Variants in FMN1 observed in about 807,000 individuals in gnomAD.
FMN1 encodes the protein formin 1, also known as formin-1.
FMN1 carries 110 observed loss-of-function variants against 132.4 expected under a neutral mutation model. The observed-to-expected ratio is 0.83, with a 90% confidence interval of 0.71 to 0.97. The LOEUF is 0.97. FMN1 is among the 50% of genes least tolerant of loss of function. The pLI, the probability that FMN1 is intolerant of heterozygous loss-of-function variation, is 0.00. For synonymous variants in FMN1, 722 were observed against 651.7 expected (o/e 1.11, Z -1.64); for missense variants, 1,792 against 1,705.3 (o/e 1.05, Z -0.90).
At position 33,130,776 on chromosome 15, in the gene FMN1, G is replaced by C. The variant is rs1034848460; in HGVS notation, c.1867+22272C>G. ...TTTCAGAGTCAAAACACTTACATTT[G>C]CTTGTCTATTAAGATGTTTTGATTT... On this transcript the variant is annotated intron_variant, in intron 4 of 20. Transcript: ENST00000616417. 7.9e-5 allele frequency among the ~76,000 whole-genome samples: 12 copies of C among 152,222 alleles called. No homozygotes were observed. In the East Asian group the frequency reaches 1.5e-3, roughly 20 times the overall value.
chr15:32,960,457 C>G (rs888589729), intron 9 of FMN1, among the ~76,000 whole-genome samples: 1 of 152,056 alleles, frequency 6.6e-6, no homozygotes, highest in Non-Finnish European at 1.5e-5. Flanking sequence ...TGCAATATAG[C>G]CTTTTAAAAT....
chr15:33,005,606 G>T (rs1049806019), intron 7 of FMN1, among the ~76,000 whole-genome samples: 7 of 152,106 alleles, frequency 4.6e-5, no homozygotes, highest in African/African-American at 1.7e-4. Flanking sequence ...CACACAGCAA[G>T]AATTAAAAAA....
intron 16 of FMN1, among the ~76,000 whole-genome samples, chr15:32,858,973 G>T (rs2059201038): frequency 6.6e-6 from 1 of 152,184 alleles, no homozygotes; most frequent in South Asian, 2.1e-4. Flanking sequence ...CAAGGAGCGA[G>T]AGAGTAGATA....
chr15:32,892,334 TTC>T (rs1297348999), intron 15 of FMN1, among the ~76,000 whole-genome samples: 1 of 152,244 alleles, frequency 6.6e-6, no homozygotes, highest in Non-Finnish European at 1.5e-5. Context: ...CTGTTCTTAA[TTC>T]TGTTTATGTG....
At chr15:32,855,502 A>C (rs779821143) in intron 17 of FMN1, among the ~76,000 whole-genome samples, 1 of 152,230 alleles carries the variant, frequency 6.6e-6, no homozygotes, top group Non-Finnish European at 1.5e-5. Flanking sequence ...CAAGGTACCA[A>C]AGAAGATTCT....
rs2031556807 is a variant in FMN1, at chr15:32,969,220, T to C, written c.2481A>G (p.Gln827=). ...ESESKTTRSN[Q]LVPKKLNISS... is the part of the protein sequence containing the mutation. Reference sequence around the variant, plus strand: ...AGATATTCAGCTTTTTGGGTACTAATTGATTACTTCTGGTTGTCTTGCTTT... The same window carrying C: ...AGATATTCAGCTTTTTGGGTACTAACTGATTACTTCTGGTTGTCTTGCTTT... The change falls in exon 8 of 21, where the codon CAA becomes CAG. Residue 827 remains glutamine (Q), a synonymous_variant. Transcript: ENST00000616417. 6.2e-7 allele frequency: 1 copy of C among 1,613,890 alleles called. No individual in the cohort carries two copies.
At chr15:32,866,629 A>G (rs1596124528) in intron 16 of FMN1, among the ~76,000 whole-genome samples, 2 of 152,172 alleles carry the variant, frequency 1.3e-5, no homozygotes, top group Non-Finnish European at 2.9e-5. Context: ...TCATTTTCCC[A>G]GTCCAACTGT....
intron 6 of FMN1, among the ~76,000 whole-genome samples, chr15:33,033,528 C>A (rs919550859): frequency 6.6e-6 from 1 of 152,114 alleles, no homozygotes; most frequent in Non-Finnish European, 1.5e-5. Flanking sequence ...CACTCTAGGT[C>A]TTCCCTCTTC....
intron 12 of FMN1, among the ~76,000 whole-genome samples, chr15:32,906,838 G>T (rs1398788102): frequency 6.6e-6 from 1 of 152,184 alleles, no homozygotes; most frequent in Non-Finnish European, 1.5e-5. Flanking sequence ...CACTTGACTT[G>T]ATTCACAATA....
intron 10 of FMN1, among the ~76,000 whole-genome samples, chr15:32,919,818 G>T (rs188833234): frequency 2.6e-4 from 39 of 152,268 alleles, no homozygotes; most frequent in African/African-American, 9.1e-4. Flanking sequence ...TAGACAACTT[G>T]CATAAACTTT....
rs192198221 is a variant in FMN1, at chr15:32,951,142, A to C, written c.3138+12965T>G. On this transcript the variant is annotated intron_variant, in intron 9 of 20. Transcript: ENST00000616417. ...TATTTTAAGAGCCTCACATTACCAA[A>C]ATCGGTCATTCTACATATGTTTATT... Among the ~76,000 whole-genome samples the C allele has an allele frequency of 3.5e-4, 53 of 152,298 alleles. No homozygotes were observed. The East Asian group carries it at 4.4e-3, about 13-fold the overall frequency.
At chr15:32,927,013 A>G (rs1336022152) in intron 9 of FMN1, among the ~76,000 whole-genome samples, 2 of 152,112 alleles carry the variant, frequency 1.3e-5, no homozygotes, top group Non-Finnish European at 2.9e-5. Flanking sequence ...GGCTGATCTG[A>G]TCCCAAACCC....
chr15:32,900,017 A>G lies in FMN1; in HGVS notation c.3616T>C (p.Leu1206=). 1 of 1,613,996 alleles carries G rather than the reference A, an allele frequency of 6.2e-7. No individual in the cohort carries two copies. Among genetic ancestry groups the G allele is most frequent in the Non-Finnish European group, 8.5e-7 (1 of 1,179,876 alleles). The change falls in exon 14 of 21, where the codon TTA becomes CTA. Residue 1206 remains leucine (L), a synonymous_variant. Coordinates refer to ENST00000616417, the MANE Select transcript of FMN1 (RefSeq NM_001277313.2). ...RTRGQADGYS[L]EILPKLKDVK... ...TCCTTGAGTTTGGGCAGAATTTCTA[A>G]GCTATATCCATCGGCTTGTCCCCGA... is the stretch of plus-strand genomic sequence containing the variant.
At chr15:33,075,510 C>T (rs956474497) in intron 5 of FMN1, among the ~76,000 whole-genome samples, 5 of 152,174 alleles carry the variant, frequency 3.3e-5, no homozygotes, top group African/African-American at 1.2e-4. Context: ...TTGGGTGTTG[C>T]AGGGCCAGTG....
chr15:33,187,375 CAA>C (rs899144586), intron 2 of FMN1, among the ~76,000 whole-genome samples: 25 of 152,178 alleles, frequency 1.6e-4, no homozygotes, highest in African/African-American at 5.8e-4. Flanking sequence ...TTTATCAACA[CAA>C]AGAGTCCTGA....
At chr15:33,169,122 A>G (rs1185651060) in intron 3 of FMN1, among the ~76,000 whole-genome samples, 1 of 152,222 alleles carries the variant, frequency 6.6e-6, no homozygotes. Flanking sequence ...CCACAAATTC[A>G]TTCTCAACAG....
intron 4 of FMN1, among the ~76,000 whole-genome samples, chr15:33,113,437 G>C (rs2039791062): frequency 6.6e-6 from 1 of 151,594 alleles, no homozygotes; most frequent in African/African-American, 2.4e-5. Flanking sequence ...TTTTGTTGTT[G>C]TCTTATACTG....
chr15:32,770,607 A>G lies in FMN1; in HGVS notation c.*3703T>C, dbSNP rs1208644139. On this transcript the variant is annotated 3_prime_UTR_variant, in exon 21 of 21. Transcript: ENST00000616417. ...TTTACCAGCAGTATCTGAACTTTTC[A>G]TTTAGGAAACACCATTCTTCATGGT... The G allele has an allele frequency of 2.6e-5, 4 of 152,032 alleles. No individual in the cohort carries two copies. Among genetic ancestry groups the G allele is most frequent in the Non-Finnish European group, 2.9e-5 (2 of 68,022 alleles). The allele number at this position is 152,032 out of a possible 1,614,324, so 9.4% of individuals were successfully genotyped here. A position where few individuals can be genotyped will look rare whatever the true frequency, so the allele number is the denominator to read the frequency against.
rs563839263 is a variant in FMN1 at position 32,863,279 on chromosome 15, T to C, written c.3836-6172A>G. Among the ~76,000 whole-genome samples, 5 of 151,684 alleles carry C rather than the reference T, an allele frequency of 3.3e-5. No homozygotes were observed. The East Asian group carries it at 7.8e-4, about 24-fold the overall frequency. On this transcript the variant is annotated intron_variant, in intron 16 of 20. Transcript: ENST00000616417. ...GGTGAAACCCCATCTCTACTAAAAA[T>C]ACAAAAAATTAGCTGGGCGTGGTGG...
Sources: gnomAD v4.1 joint callset for allele counts (sites outside exome capture counted in the v4.1 genomes callset) on GRCh38, gnomAD v4.1.1 for gene constraint, MANE v1.5 for transcripts, NCBI Gene and HGNC (gene_info 2026-07-23, HGNC 2026-07-21) for gene names.